CIAO2A: variants seen among roughly 807,000 people sequenced by gnomAD.
CIAO2A encodes MIP18 family protein FAM96A.
A neutral mutation model predicts 22.4 loss-of-function variants in CIAO2A; 17 were observed. The observed-to-expected ratio is 0.76, with a 90% CI of 0.52 to 1.14. The LOEUF (loss-of-function observed/expected upper bound fraction) is 1.14, where lower values mean the gene tolerates loss of function less well. CIAO2A is among the 50% of genes most tolerant of loss of function. CIAO2A has a pLI of 0.00. For missense variants in CIAO2A, 192 were observed against 191.4 expected, an observed-to-expected ratio of 1.00 and a Z score of -0.02; for synonymous variants, 74 against 72.3, an observed-to-expected ratio of 1.02 and a Z score of -0.12.
chr15:64,093,233 G>T (rs2080857350), intron 1 of CIAO2A, among the ~76,000 whole-genome samples: 3 of 152,150 alleles, frequency 2.0e-5, no homozygotes, highest in Admixed American at 1.3e-4. Context: ...CGCCCTCAGC[G>T]GTAGCAAGAG....
At chr15:64,075,419 G>A (rs1377900391) in intron 4 of CIAO2A, 73 bp downstream of exon 4, 5 of 923,000 alleles carry the variant, frequency 5.4e-6, no homozygotes, top group Admixed American at 3.0e-5. Context: ...TTCTTGGCTG[G>A]CAGAAGAATC....
intron 2 of CIAO2A, among the ~76,000 whole-genome samples, chr15:64,087,964 A>C (rs2080810809): frequency 6.6e-6 from 1 of 152,172 alleles, no homozygotes; most frequent in African/African-American, 2.4e-5. Flanking sequence ...TCTTAACAGT[A>C]TGTCATAGAG....
chr15:64,093,219 C>T, intron 1 of CIAO2A, among the ~76,000 whole-genome samples: 1 of 152,316 alleles, frequency 6.6e-6, no homozygotes, highest in African/African-American at 2.4e-5. Context: ...CTGTCACCCA[C>T]AAGCGCCCTC....
At chr15:64,077,348 ACT>A (rs992752081) in intron 3 of CIAO2A, among the ~76,000 whole-genome samples, 84 of 152,080 alleles carry the variant, frequency 5.5e-4, no homozygotes, top group African/African-American at 1.9e-3. Flanking sequence ...GTAGCAAAAC[ACT>A]CTTATTCTAG....
Position 64,081,130 on chromosome 15 carries a change from A to G in CIAO2A, c.311T>C (p.Leu104Pro). The G allele has an allele frequency of 6.2e-7, 1 of 1,613,598 alleles. No homozygotes were observed. The highest frequency in any genetic ancestry group is 8.5e-7 in the Non-Finnish European group (1 of 1,179,862). ...ATGTTTAAATGGTAAACATCGCTGA[A>G]GTTTTACTCTTAAGCACAGCCCTGT... ...TLIGLCLRVK[L>P]QRCLPFKHKL... is the part of the protein sequence containing the mutation. Residue 104 changes from leucine (L) to proline (P), a missense_variant, in exon 3 of 5, where the codon CTT becomes CCT. Leu to Pro is a moderately conservative substitution (Grantham distance 98). Transcript: ENST00000300030.
At chr15:64,086,666 T>C (rs1595958542) in intron 2 of CIAO2A, among the ~76,000 whole-genome samples, 1 of 150,884 alleles carries the variant, frequency 6.6e-6, no homozygotes. Flanking sequence ...TAGGCTGGAG[T>C]GCAGTGGCGC....
intron 1 of CIAO2A, among the ~76,000 whole-genome samples, chr15:64,090,471 T>A (rs2080832041): frequency 6.6e-6 from 1 of 152,164 alleles, no homozygotes; most frequent in Non-Finnish European, 1.5e-5. Flanking sequence ...CAACCCAGTA[T>A]GAGAATCAGT....
intron 2 of CIAO2A, among the ~76,000 whole-genome samples, chr15:64,085,517 T>TA (rs1453755389): frequency 6.6e-5 from 10 of 152,130 alleles, no homozygotes; most frequent in African/African-American, 2.4e-4. Flanking sequence ...CAAAAAAAAT[T>TA]TAAAAAAAGA....
At chr15:64,076,994 C>T (rs1481232526) in intron 3 of CIAO2A, among the ~76,000 whole-genome samples, 1 of 152,144 alleles carries the variant, frequency 6.6e-6, no homozygotes, top group Admixed American at 6.6e-5. Context: ...GCGTGAGCCA[C>T]TGCACCTGGC....
rs554550087 is a variant in CIAO2A, at chr15:64,093,837, T to C, written c.-69A>G. 1.3e-4 allele frequency: 199 copies of C among 1,575,112 alleles called. No homozygotes were observed. Among genetic ancestry groups the C allele is most frequent in the Non-Finnish European group, 1.6e-4 (190 of 1,154,814 alleles). On this transcript the variant is annotated 5_prime_UTR_variant, in exon 1 of 5. Coordinates refer to ENST00000300030, the MANE Select transcript of CIAO2A (RefSeq NM_032231.7). Reference sequence around the variant, plus strand: ...CGTCTCTCAGCAGCCTCGGGATTGATCAACTTCCTGGTCTTCAAATGGGCC... The same window carrying C: ...CGTCTCTCAGCAGCCTCGGGATTGACCAACTTCCTGGTCTTCAAATGGGCC...
chr15:64,089,451 G>GTTGCGGT (rs2080822234), intron 1 of CIAO2A, among the ~76,000 whole-genome samples: 1 of 13,914 alleles, frequency 7.2e-5, no homozygotes. Flanking sequence ...GGAGGCAGAG[G>GTTGCGGT]TTGAGAGCGG....
At chr15:64,082,716 T>A (rs2080766582) in intron 2 of CIAO2A, among the ~76,000 whole-genome samples, 1 of 152,214 alleles carries the variant, frequency 6.6e-6, no homozygotes, top group African/African-American at 2.4e-5. Flanking sequence ...TATCCTCACG[T>A]ATTTTAGTCA....
At chr15:64,093,549 C>A in intron 1 of CIAO2A, 96 bp downstream of exon 1, 16 of 1,351,392 alleles carry the variant, frequency 1.2e-5, no homozygotes, top group Non-Finnish European at 1.6e-5. Context: ...AAAAAGGTCT[C>A]CCCTCCCAGC....
intron 1 of CIAO2A, among the ~76,000 whole-genome samples, chr15:64,089,980 CA>C (rs1459829817): frequency 6.6e-6 from 1 of 152,144 alleles, no homozygotes; most frequent in Non-Finnish European, 1.5e-5. Context: ...GAGTGGTTGT[CA>C]AACCCACAGG....
intron 2 of CIAO2A, among the ~76,000 whole-genome samples, chr15:64,082,479 C>T (rs186972468): frequency 6.2e-4 from 95 of 152,252 alleles, no homozygotes; most frequent in African/African-American, 2.1e-3. Context: ...CTGCCCGCCT[C>T]GGCCTCCCAA....
chr15:64,091,973 T>C (rs3843698), intron 1 of CIAO2A, among the ~76,000 whole-genome samples: 81,359 of 148,544 alleles, frequency 0.55, 27,070 homozygotes, highest in East Asian at 0.81. Context: ...GGTGGGAGGA[T>C]GGCTTGAGCC....
chr15:64,075,264 C>G (rs1161006719), intron 4 of CIAO2A: 1 of 390,202 alleles, frequency 2.6e-6, no homozygotes, highest in East Asian at 4.6e-5. Flanking sequence ...TGTGTAGCCA[C>G]TGGCCTAAAC....
intron 2 of CIAO2A, 114 bp downstream of exon 2, chr15:64,088,572 TA>T: frequency 1.3e-6 from 1 of 771,808 alleles, no homozygotes; most frequent in Non-Finnish European, 2.0e-6. Context: ...CCATAAAGTG[TA>T]ATACATACAC....
At chr15:64,083,894 GACAGCACC>G (rs140697325) in intron 2 of CIAO2A, among the ~76,000 whole-genome samples, 6,098 of 151,926 alleles carry the variant, frequency 0.04, 203 homozygotes, top group Non-Finnish European at 0.059. Flanking sequence ...AGTAAGCCAA[GACAGCACC>G]ACTGCTTTCC....
Sources: gnomAD v4.1 joint callset for allele counts (sites outside exome capture counted in the v4.1 genomes callset) on GRCh38, gnomAD v4.1.1 for gene constraint, MANE v1.5 for transcripts, NCBI Gene and HGNC (gene_info 2026-07-23, HGNC 2026-07-21) for gene names.